The following LIPC variants were observed in gnomAD, a reference collection of about 807,000 sequenced individuals.
LIPC encodes hepatic triacylglycerol lipase.
Under a neutral mutation model 50.7 loss-of-function variants are expected in LIPC, and 44 were observed. The observed-to-expected ratio is 0.87, with a 90% CI of 0.68 to 1.11. The LOEUF is 1.11. LIPC is among the 50% of genes most tolerant of loss of function. The probability of loss-of-function intolerance (pLI) is 0.00; values close to 1 mark genes in which losing one functional copy is unlikely to be tolerated. For missense variants in LIPC, 697 were observed against 648.2 expected (o/e 1.08, Z -0.82); for synonymous variants, 271 against 256.4 (o/e 1.06, Z -0.54).
intron 1 of LIPC, among the ~76,000 whole-genome samples, chr15:58,534,031 C>T (rs1313455952): frequency 6.6e-6 from 1 of 152,096 alleles, no homozygotes; most frequent in Non-Finnish European, 1.5e-5. Context: ...TATTTGGTGA[C>T]CCAGTAGAGA....
chr15:58,456,766 A>G (rs1385231701), intron 1 of LIPC, among the ~76,000 whole-genome samples: 7 of 152,266 alleles, frequency 4.6e-5, no homozygotes, highest in Admixed American at 3.9e-4. Flanking sequence ...CAAATTGGGG[A>G]AAACGAGAGG....
At chr15:58,447,925 AAAG>A (rs1175204668) in intron 1 of LIPC, among the ~76,000 whole-genome samples, 3 of 152,236 alleles carry the variant, frequency 2.0e-5, no homozygotes, top group African/African-American at 7.2e-5. Context: ...GAAGAAATAC[AAAG>A]AAGAATAAGA....
intron 4 of LIPC, among the ~76,000 whole-genome samples, chr15:58,545,406 C>T (rs2414591): frequency 0.99 from 150,174 of 152,268 alleles, 74,085 homozygotes; most frequent in Middle Eastern, 1. Context: ...ATCCACATAA[C>T]TTTTGTATTC....
rs190293849 is a variant in LIPC, at chr15:58,565,061, G to A, written c.1388+1338G>A. 2.5e-4 allele frequency: 204 copies of A among 803,096 alleles called. No individual in the cohort carries two copies. In the East Asian group the frequency reaches 3.0e-3, roughly 12 times the overall value. The allele number at this position is 803,096 out of a possible 1,614,324, so 49.7% of individuals were successfully genotyped here. The stretch of plus-strand genomic sequence containing the variant: ...CCCCTGGGTTTCACTGCCAGATGCC[G>A]GCCTGTGGCAGATGTATGCCCCTGA... On this transcript the variant is annotated intron_variant, in intron 8 of 8. Transcript: ENST00000299022.
intron 6 of LIPC, among the ~76,000 whole-genome samples, chr15:58,554,284 A>C (rs1159008698): frequency 1.3e-5 from 2 of 152,178 alleles, no homozygotes; most frequent in African/African-American, 2.4e-5. Context: ...CCCTGATCAC[A>C]TTCGAGGTCA....
At chr15:58,432,472 C>G (rs1468179104) in intron 1 of LIPC, 4 of 313,636 alleles carry the variant, frequency 1.3e-5, no homozygotes, top group Admixed American at 4.3e-5. Flanking sequence ...AATTTGCAAC[C>G]GGGGAGCCAG....
intron 7 of LIPC, among the ~76,000 whole-genome samples, chr15:58,563,115 G>T (rs184264450): frequency 1.5e-4 from 23 of 152,284 alleles, no homozygotes; most frequent in African/African-American, 5.3e-4. Flanking sequence ...TTGGGAGAGA[G>T]TGCATGCTGC....
At chr15:58,527,783 AAATGAATT>A (rs1359716096) in intron 1 of LIPC, among the ~76,000 whole-genome samples, 5 of 151,534 alleles carry the variant, frequency 3.3e-5, no homozygotes, top group East Asian at 1.9e-4. Context: ...TTGAATGAAT[AAATGAATT>A]AATGAATGAA....
chr15:58,461,922 C>A (rs556957444), intron 1 of LIPC, among the ~76,000 whole-genome samples: 1 of 151,182 alleles, frequency 6.6e-6, no homozygotes, highest in Admixed American at 6.6e-5. Context: ...CTCGTGCTGT[C>A]CCCCCGCCCC....
chr15:58,459,696 T>C (rs1432678111), intron 1 of LIPC, among the ~76,000 whole-genome samples: 3 of 152,248 alleles, frequency 2.0e-5, no homozygotes, highest in Admixed American at 6.5e-5. Context: ...AGCCTCGTGC[T>C]CTGCACCGTG....
At chr15:58,443,562 G>C (rs916382345) in intron 1 of LIPC, among the ~76,000 whole-genome samples, 1 of 152,180 alleles carries the variant, frequency 6.6e-6, no homozygotes, top group African/African-American at 2.4e-5. Flanking sequence ...CTCCATCCAA[G>C]AATCCTCTAT....
At chr15:58,511,457 G>A (rs1466653632) in intron 1 of LIPC, among the ~76,000 whole-genome samples, 1 of 152,178 alleles carries the variant, frequency 6.6e-6, no homozygotes, top group African/African-American at 2.4e-5. Flanking sequence ...GCTCTCCAGG[G>A]ATGGCATCAG....
At chr15:58,555,857 A>AC (rs1319063417) in intron 6 of LIPC, among the ~76,000 whole-genome samples, 1 of 152,204 alleles carries the variant, frequency 6.6e-6, no homozygotes, top group Non-Finnish European at 1.5e-5. Flanking sequence ...GCTCCAGAGC[A>AC]CGGGGGAGCA....
intron 1 of LIPC, among the ~76,000 whole-genome samples, chr15:58,450,146 G>C (rs1198215932): frequency 2.0e-5 from 3 of 152,218 alleles, no homozygotes; most frequent in African/African-American, 7.2e-5. Context: ...GGAGCAATAG[G>C]TTGTCCCCTT....
chr15:58,473,918 T>C (rs1445080128), intron 1 of LIPC: 1 of 152,418 alleles, frequency 6.6e-6, no homozygotes, highest in Non-Finnish European at 1.5e-5. Flanking sequence ...ATAGCTGTTT[T>C]GCATTCCTTA....
intron 6 of LIPC, among the ~76,000 whole-genome samples, chr15:58,559,654 C>T (rs1894083456): frequency 6.8e-6 from 1 of 148,080 alleles, no homozygotes; most frequent in South Asian, 2.1e-4. Flanking sequence ...TGCAGTAAGC[C>T]AAGGTGGCAC....
At chr15:58,488,366 G>T (rs1240375640) in intron 1 of LIPC, among the ~76,000 whole-genome samples, 1 of 152,196 alleles carries the variant, frequency 6.6e-6, no homozygotes, top group African/African-American at 2.4e-5. Context: ...CTACATGGAG[G>T]CACATGCCTC....
At chr15:58,566,379 ACAATCTGTGTAGCCT>A in intron 8 of LIPC, 2 of 985,424 alleles carry the variant, frequency 2.0e-6, no homozygotes, top group South Asian at 9.4e-5. Flanking sequence ...TTCACTGCTC[ACAATCTGTGTAGCCT>A]CAAACAATAA....
chr15:58,534,512 C>T (rs553066207), intron 1 of LIPC, among the ~76,000 whole-genome samples: 6 of 152,296 alleles, frequency 3.9e-5, no homozygotes, highest in Admixed American at 2.0e-4. Flanking sequence ...TATAGACTCA[C>T]GGTGACTTAA....
Sources: gnomAD v4.1 joint callset for allele counts (sites outside exome capture counted in the v4.1 genomes callset) on GRCh38, gnomAD v4.1.1 for gene constraint, MANE v1.5 for transcripts, NCBI Gene and HGNC (gene_info 2026-07-23, HGNC 2026-07-21) for gene names.